GPCPD1: variants seen among roughly 807,000 people sequenced by gnomAD.
The protein encoded by GPCPD1 is glycerophosphocholine phosphodiesterase GPCPD1.
Under a neutral mutation model 89.2 loss-of-function variants are expected in GPCPD1, and 29 were observed. That is an observed-to-expected ratio of 0.33 (90% CI 0.24 to 0.44). The LOEUF (loss-of-function observed/expected upper bound fraction) is 0.44, where lower values mean the gene tolerates loss of function less well. GPCPD1 is among the 20% of genes least tolerant of loss of function. GPCPD1 has a pLI of 1.00. For synonymous variants in GPCPD1, 258 were observed against 266.3 expected (o/e 0.97, Z 0.30); for missense variants, 594 against 808.9 (o/e 0.73, Z 3.22).
chr20:5,606,274 TCTC>T (rs1034877966), intron 1 of GPCPD1, among the ~76,000 whole-genome samples: 22 of 151,922 alleles, frequency 1.4e-4, no homozygotes, highest in African/African-American at 5.1e-4. Context: ...CATCATAACT[TCTC>T]CAACACCCCT....
In GPCPD1 at chr20:5,560,731, C is replaced by T. The variant is rs186303586; in HGVS notation, c.1396-655G>A. ...ACAAACAGCATAATGAGGGCAATTA[C>T]AGATTATTCTGACCAAAACAAATTC... On this transcript the variant is annotated intron_variant, in intron 16 of 19. Coordinates refer to ENST00000379019, the MANE Select transcript of GPCPD1 (RefSeq NM_019593.5). Among the ~76,000 whole-genome samples the T allele has an allele frequency of 5.3e-5, 8 of 152,268 alleles. No individual in the cohort carries two copies. The East Asian group carries it at 1.5e-3, about 29-fold the overall frequency.
intron 6 of GPCPD1, among the ~76,000 whole-genome samples, chr20:5,582,663 C>A (rs1210432377): frequency 1.3e-5 from 2 of 151,900 alleles, no homozygotes. Context: ...CCAAGGCAGG[C>A]AGATCACTTG....
intron 11 of GPCPD1, among the ~76,000 whole-genome samples, chr20:5,573,324 G>A (rs1026652642): frequency 3.3e-5 from 5 of 152,072 alleles, no homozygotes; most frequent in African/African-American, 1.2e-4. Context: ...AACCTCAGGT[G>A]ATCTGCCCAT....
chr20:5,605,236 C>G (rs1980499462), intron 1 of GPCPD1, among the ~76,000 whole-genome samples: 1 of 152,128 alleles, frequency 6.6e-6, no homozygotes, highest in Non-Finnish European at 1.5e-5. Flanking sequence ...CGTCAAGATT[C>G]TTTTGCTACA....
chr20:5,605,172 A>G (rs1214508934), intron 1 of GPCPD1, among the ~76,000 whole-genome samples: 1 of 152,202 alleles, frequency 6.6e-6, no homozygotes, highest in African/African-American at 2.4e-5. Flanking sequence ...GACAGAATAC[A>G]TGCCCGAAAT....
intron 4 of GPCPD1, among the ~76,000 whole-genome samples, chr20:5,589,951 A>G (rs1413249711): frequency 6.6e-6 from 1 of 152,210 alleles, no homozygotes; most frequent in East Asian, 1.9e-4. Context: ...CGACTGTAGA[A>G]ATGTTTCCAA....
chr20:5,609,712 G>C (rs1462771624), intron 1 of GPCPD1, among the ~76,000 whole-genome samples: 1 of 152,162 alleles, frequency 6.6e-6, no homozygotes, highest in Non-Finnish European at 1.5e-5. Context: ...TTATTTTGCA[G>C]ATTTAAATTT....
chr20:5,590,800 G>A (rs1439996342), intron 4 of GPCPD1, among the ~76,000 whole-genome samples: 3 of 152,088 alleles, frequency 2.0e-5, no homozygotes, highest in Non-Finnish European at 4.4e-5. Flanking sequence ...AAAACTCAAG[G>A]GAGATCGAGG....
chr20:5,584,208 A>G lies in GPCPD1; in HGVS notation c.349+73T>C, dbSNP rs574294372. The G allele has an allele frequency of 9.6e-4, 748 of 780,624 alleles. 14 individuals carry two copies. The South Asian group carries it at 0.011, about 11-fold the overall frequency. The allele number at this position is 780,624 out of a possible 1,614,324, so 48.4% of individuals were successfully genotyped here. On this transcript the variant is annotated intron_variant, in intron 6 of 19. Coordinates refer to ENST00000379019, the MANE Select transcript of GPCPD1 (RefSeq NM_019593.5). The stretch of plus-strand genomic sequence containing the variant: ...TGTATGTTCTATTTTCCTGTGCTAT[A>G]TAACTCCAGTGAAATGTAAAGTAAC...
At position 5,545,183 on chromosome 20, in the gene GPCPD1, GTT is replaced by G. The variant is rs1294887360; in HGVS notation, c.*2476_*2477del. 2.0e-5 allele frequency: 3 copies of G among 152,090 alleles called. No individual in the cohort carries two copies. The highest frequency in any genetic ancestry group is 4.4e-5 in the Non-Finnish European group (3 of 68,028). The allele number at this position is 152,090 out of a possible 1,614,324, so 9.4% of individuals were successfully genotyped here. A position where few individuals can be genotyped will look rare whatever the true frequency, so the allele number is the denominator to read the frequency against. Reference sequence around the variant, plus strand: ...TTGTTAAAATGCAAACCAATTCAAAGTTTACATTCTTAGTAAACATAACTAAA... The same window carrying G: ...TTGTTAAAATGCAAACCAATTCAAAGTACATTCTTAGTAAACATAACTAAA... On this transcript the variant is annotated 3_prime_UTR_variant, in exon 20 of 20. Coordinates refer to ENST00000379019, the MANE Select transcript of GPCPD1 (RefSeq NM_019593.5).
chr20:5,548,906 A>T, intron 19 of GPCPD1: 1 of 1,050,502 alleles, frequency 9.5e-7, no homozygotes, highest in Non-Finnish European at 1.3e-6. Context: ...GAATCTAATC[A>T]GGAGGTTGCT....
Position 5,575,444 on chromosome 20 carries a change from G to A in GPCPD1, c.970C>T (p.Arg324Ter), listed in dbSNP as rs1978286655. Reference protein sequence around the residue: ...KPRIPLDVGHRGAGNSTTTAQ... With the variant: ...KPRIPLDVGH The stretch of plus-strand genomic sequence containing the variant: ...GTTGTTGTAGAGTTTCCTGCACCTC[G>A]ATGGCCAACATCCAATGGTATTCTT... Residue 324 changes from arginine to a stop codon, truncating the protein, a stop_gained, in exon 10 of 20, where the codon CGA becomes TGA. Coordinates refer to ENST00000379019, the MANE Select transcript of GPCPD1 (RefSeq NM_019593.5). LOFTEE classifies it high-confidence loss of function. The A allele has an allele frequency of 1.2e-6, 2 of 1,608,296 alleles. No homozygotes were observed. Among genetic ancestry groups the A allele is most frequent in the South Asian group, 1.1e-5 (1 of 90,742 alleles).
At chr20:5,585,312 A>C (rs1284778801) in intron 5 of GPCPD1, 1 of 152,180 alleles carries the variant, frequency 6.6e-6, no homozygotes, top group Non-Finnish European at 1.5e-5. Flanking sequence ...GGAATGAGAT[A>C]CTGTTTAAAT....
intron 8 of GPCPD1, among the ~76,000 whole-genome samples, chr20:5,577,153 C>T (rs1301470980): frequency 6.7e-6 from 1 of 149,452 alleles, no homozygotes; most frequent in Non-Finnish European, 1.5e-5. Context: ...CAACCTCCGC[C>T]TCCCAGGTTC....
At position 5,556,130 on chromosome 20, in the gene GPCPD1, C is replaced by T. The variant is rs114372074; in HGVS notation, c.1829+1815G>A. ...GATTGTTAGCATTTCCTAGTAATAA[C>T]GTATTTTAAAATTAAGATATATACT... On this transcript the variant is annotated intron_variant, in intron 19 of 19. Coordinates refer to ENST00000379019, the MANE Select transcript of GPCPD1 (RefSeq NM_019593.5). 4.1e-3 allele frequency among the ~76,000 whole-genome samples: 631 copies of T among 152,258 alleles called. 6 individuals carry two copies. The highest frequency in any genetic ancestry group is 0.015 in the African/African-American group (607 of 41,544).
intron 6 of GPCPD1, among the ~76,000 whole-genome samples, chr20:5,582,110 C>T (rs1444360917): frequency 8.3e-5 from 11 of 132,714 alleles, no homozygotes; most frequent in Non-Finnish European, 1.1e-4. Context: ...GGCGTGAACC[C>T]GGGAGGCGGA....
intron 12 of GPCPD1, among the ~76,000 whole-genome samples, chr20:5,569,031 C>G (rs1302616069): frequency 6.6e-6 from 1 of 152,144 alleles, no homozygotes; most frequent in African/African-American, 2.4e-5. Flanking sequence ...CTAAAACAAC[C>G]TGTTCCATGT....
At chr20:5,581,610 C>A (rs1160686852) in intron 6 of GPCPD1, among the ~76,000 whole-genome samples, 1 of 152,044 alleles carries the variant, frequency 6.6e-6, no homozygotes, top group Non-Finnish European at 1.5e-5. Context: ...ACTGCATGAT[C>A]GTGACAACAC....
chr20:5,589,446 T>C (rs1600780607), intron 4 of GPCPD1, among the ~76,000 whole-genome samples: 1 of 152,194 alleles, frequency 6.6e-6, no homozygotes, highest in East Asian at 1.9e-4. Context: ...ACCTCATCTC[T>C]ACTAAAAATA....
Sources: gnomAD v4.1 joint callset for allele counts (sites outside exome capture counted in the v4.1 genomes callset) on GRCh38, gnomAD v4.1.1 for gene constraint, MANE v1.5 for transcripts, NCBI Gene and HGNC (gene_info 2026-07-23, HGNC 2026-07-21) for gene names.